The following NECAB1 variants were observed in gnomAD, a reference collection of about 807,000 sequenced individuals.
The protein encoded by NECAB1 is N-terminal EF-hand calcium-binding protein 1.
NECAB1 carries 29 observed loss-of-function variants against 57.5 expected under a neutral mutation model. That is an observed-to-expected ratio of 0.50 (90% CI 0.38 to 0.69). The LOEUF (loss-of-function observed/expected upper bound fraction) is 0.69. Among genes scored for constraint, NECAB1 ranks in the 30% least tolerant of loss-of-function variants. The pLI is 0.00. For synonymous variants in NECAB1, 142 were observed against 147.7 expected (o/e 0.96, Z 0.28); for missense variants, 372 against 413.8 (o/e 0.90, Z 0.88).
intron 3 of NECAB1, among the ~76,000 whole-genome samples, chr8:90,864,896 G>A (rs1808481414): frequency 6.6e-6 from 1 of 152,056 alleles, no homozygotes. Context: ...CACTTATTCA[G>A]TGTGCTCAAT....
At position 90,949,799 on chromosome 8, in the gene NECAB1, C is replaced by T; in HGVS notation, c.861-8C>T. On this transcript the variant is annotated splice_polypyrimidine_tract_variant and splice_region_variant and intron_variant, in intron 10 of 12. Coordinates refer to ENST00000417640, the MANE Select transcript of NECAB1 (RefSeq NM_022351.5). Reference sequence around the variant, plus strand: ...GTAGCTAATTATGCCTTTTATTTTCCATTTCAGTATTTCTATACAGAAGCT... The same window carrying T: ...GTAGCTAATTATGCCTTTTATTTTCTATTTCAGTATTTCTATACAGAAGCT... The T allele has an allele frequency of 6.4e-7, 1 of 1,562,078 alleles. No homozygotes were observed. The highest frequency in any genetic ancestry group is 8.8e-7 in the Non-Finnish European group (1 of 1,141,522).
intron 4 of NECAB1, among the ~76,000 whole-genome samples, chr8:90,879,034 ATTAT>A (rs1304269634): frequency 1.4e-4 from 20 of 138,588 alleles, no homozygotes; most frequent in Non-Finnish European, 2.3e-4. Flanking sequence ...TATTATATTT[ATTAT>A]TTATTATTTA....
At chr8:90,911,500 T>C (rs1809829866) in intron 5 of NECAB1, among the ~76,000 whole-genome samples, 2 of 152,298 alleles carry the variant, frequency 1.3e-5, no homozygotes, top group South Asian at 2.1e-4. Context: ...GAAAAATTTT[T>C]GATAAATTTT....
chr8:90,907,918 T>G (rs1175465071), intron 5 of NECAB1, among the ~76,000 whole-genome samples: 1 of 152,234 alleles, frequency 6.6e-6, no homozygotes, highest in Non-Finnish European at 1.5e-5. Context: ...ATTTATAAAC[T>G]ACTATTTTCC....
intron 10 of NECAB1, among the ~76,000 whole-genome samples, chr8:90,947,596 T>G (rs1810842117): frequency 6.6e-6 from 1 of 152,156 alleles, no homozygotes; most frequent in African/African-American, 2.4e-5. Context: ...AGACAGGGTT[T>G]CACCATGTTG....
chr8:90,945,287 C>T (rs1006708385), intron 10 of NECAB1, among the ~76,000 whole-genome samples: 1 of 152,054 alleles, frequency 6.6e-6, no homozygotes, highest in Non-Finnish European at 1.5e-5. Flanking sequence ...AGGCTGGTCG[C>T]GAACCTCCGA....
intron 6 of NECAB1, among the ~76,000 whole-genome samples, chr8:90,920,656 A>G (rs1157397581): frequency 1.3e-5 from 2 of 152,132 alleles, no homozygotes; most frequent in Non-Finnish European, 2.9e-5. Context: ...CTTGTCACTG[A>G]TTGGACAGTA....
At position 90,848,760 on chromosome 8, in the gene NECAB1, G is replaced by A. The variant is rs190420892; in HGVS notation, c.234-23368G>A. On this transcript the variant is annotated intron_variant, in intron 3 of 12. Coordinates refer to ENST00000417640, the MANE Select transcript of NECAB1 (RefSeq NM_022351.5). ...AGCACTTTGGGAGGCTGAGGTGGGC[G>A]GATCACTTGAGGTAAGGAGTTTGAG... 7.5e-4 allele frequency among the ~76,000 whole-genome samples: 114 copies of A among 152,168 alleles called. 4 individuals carry two copies. Among genetic ancestry groups the A allele is most frequent in the Admixed American group, 2.7e-3 (42 of 15,284 alleles).
At chr8:90,850,612 C>T (rs10093965) in intron 3 of NECAB1, among the ~76,000 whole-genome samples, 2,492 of 152,240 alleles carry the variant, frequency 0.016, 55 homozygotes, top group African/African-American at 0.056. Flanking sequence ...AGAATGTATG[C>T]GCTATTGGAC....
chr8:90,843,156 A>G (rs369703845), intron 3 of NECAB1, among the ~76,000 whole-genome samples: 77 of 152,286 alleles, frequency 5.1e-4, no homozygotes, highest in Admixed American at 2.1e-3. Context: ...TTGTGAAGAA[A>G]TTATTCACTA....
intron 6 of NECAB1, among the ~76,000 whole-genome samples, chr8:90,920,863 A>C (rs1346291657): frequency 6.6e-6 from 1 of 152,216 alleles, no homozygotes; most frequent in Non-Finnish European, 1.5e-5. Flanking sequence ...AACATATGAA[A>C]GTGAATGAAT....
At chr8:90,823,581 G>A (rs1812180035) in intron 2 of NECAB1, among the ~76,000 whole-genome samples, 1 of 151,760 alleles carries the variant, frequency 6.6e-6, no homozygotes, top group Non-Finnish European at 1.5e-5. Flanking sequence ...CAATGTGTGG[G>A]CCATATTTTG....
chr8:90,817,159 G>A (rs1286617614), intron 2 of NECAB1, among the ~76,000 whole-genome samples: 3 of 151,564 alleles, frequency 2.0e-5, no homozygotes, highest in Admixed American at 6.6e-5. Flanking sequence ...ACCTTGTATC[G>A]TATGACTTTG....
chr8:90,878,998 TA>T (rs1366128011), intron 4 of NECAB1, among the ~76,000 whole-genome samples: 12 of 144,798 alleles, frequency 8.3e-5, no homozygotes, highest in South Asian at 6.3e-4. Flanking sequence ...ATATTATATA[TA>T]GATATCTATA....
chr8:90,807,920 T>A (rs925813564), intron 2 of NECAB1, among the ~76,000 whole-genome samples: 14 of 152,182 alleles, frequency 9.2e-5, no homozygotes, highest in African/African-American at 3.4e-4. Flanking sequence ...CCTCCACCAC[T>A]GCAAAATATG....
chr8:90,825,014 A>T (rs1186468403), intron 3 of NECAB1, 189 bp downstream of exon 3: 1 of 357,592 alleles, frequency 2.8e-6, no homozygotes, highest in Admixed American at 4.7e-5. Context: ...ATCAGAAAAT[A>T]ATGATCTTTT....
intron 12 of NECAB1, among the ~76,000 whole-genome samples, chr8:90,951,555 C>T (rs764408303): frequency 3.9e-5 from 6 of 152,006 alleles, no homozygotes; most frequent in African/African-American, 1.4e-4. Context: ...ATCTACCCAT[C>T]CAATTACTGA....
At chr8:90,934,895 A>C (rs1051523492) in intron 9 of NECAB1, among the ~76,000 whole-genome samples, 2 of 152,204 alleles carry the variant, frequency 1.3e-5, no homozygotes, top group Non-Finnish European at 2.9e-5. Context: ...AGAATGGACA[A>C]AGGGATCCTA....
chr8:90,844,664 G>A (rs756896719), intron 3 of NECAB1, among the ~76,000 whole-genome samples: 2 of 152,106 alleles, frequency 1.3e-5, no homozygotes, highest in Non-Finnish European at 2.9e-5. Context: ...AAACAGCATA[G>A]ATAACACCTG....
Sources: allele counts gnomAD v4.1 joint callset (sites outside exome capture counted in the v4.1 genomes callset), GRCh38; gene constraint gnomAD v4.1.1; transcripts MANE v1.5; gene names NCBI Gene and HGNC (gene_info 2026-07-23, HGNC 2026-07-21).